Variants in KCNQ3 observed in about 807,000 individuals in gnomAD.
KCNQ3 encodes the protein potassium voltage-gated channel subfamily Q member 3.
In KCNQ3, 30 loss-of-function variants were observed where a neutral mutation model predicts 92.5. The ratio of observed to expected loss-of-function variants is 0.32; its 90% CI spans 0.24 to 0.44. The LOEUF (loss-of-function observed/expected upper bound fraction) is 0.44, where lower values mean the gene tolerates loss of function less well. KCNQ3 is among the 20% of genes least tolerant of loss of function. The pLI, the probability that KCNQ3 is intolerant of heterozygous loss-of-function variation, is 1.00. For missense variants in KCNQ3, 913 were observed against 1,140.3 expected (o/e 0.80, Z 2.87); for synonymous variants, 450 against 468.8 (o/e 0.96, Z 0.52).
intron 1 of KCNQ3, among the ~76,000 whole-genome samples, chr8:132,472,902 A>C (rs1047851553): frequency 1.3e-5 from 2 of 152,206 alleles, no homozygotes; most frequent in African/African-American, 4.8e-5. Flanking sequence ...TTATCCATCA[A>C]TTTAAAAAAT....
chr8:132,419,156 T>C (rs1000412742), intron 1 of KCNQ3, among the ~76,000 whole-genome samples: 8 of 152,212 alleles, frequency 5.3e-5, no homozygotes, highest in Non-Finnish European at 8.8e-5. Context: ...AACTAAGGCA[T>C]GGCAGCACTC....
At chr8:132,142,873 T>C (rs1272286884) in intron 9 of KCNQ3, among the ~76,000 whole-genome samples, 1 of 152,156 alleles carries the variant, frequency 6.6e-6, no homozygotes, top group Admixed American at 6.5e-5. Flanking sequence ...GAACACTCCT[T>C]CTGCCACACA....
At chr8:132,244,362 G>T (rs1056822503) in intron 1 of KCNQ3, among the ~76,000 whole-genome samples, 2 of 149,590 alleles carry the variant, frequency 1.3e-5, no homozygotes, top group Non-Finnish European at 3.0e-5. Context: ...TTTTAAGAAA[G>T]AAAAAGAGAG....
At chr8:132,405,055 G>C (rs988907240) in intron 1 of KCNQ3, among the ~76,000 whole-genome samples, 1 of 152,142 alleles carries the variant, frequency 6.6e-6, no homozygotes, top group Non-Finnish European at 1.5e-5. Context: ...CAAACAATCT[G>C]GGCAAAGTGT....
At chr8:132,241,042 C>T (rs560412010) in intron 1 of KCNQ3, among the ~76,000 whole-genome samples, 138 of 152,068 alleles carry the variant, frequency 9.1e-4, no homozygotes, top group Non-Finnish European at 1.3e-3. Flanking sequence ...GCACACGCCA[C>T]CATGCCTGGC....
intron 1 of KCNQ3, among the ~76,000 whole-genome samples, chr8:132,399,998 C>T (rs1324309333): frequency 2.0e-5 from 3 of 152,128 alleles, no homozygotes; most frequent in Non-Finnish European, 2.9e-5. Context: ...TACCGGGTGC[C>T]CATGACAAGG....
intron 12 of KCNQ3, among the ~76,000 whole-genome samples, chr8:132,136,228 C>T (rs1219519050): frequency 1.3e-5 from 2 of 151,362 alleles, no homozygotes; most frequent in Admixed American, 6.6e-5. Context: ...GTGTGATGTT[C>T]CTGTTCTCTA....
intron 1 of KCNQ3, among the ~76,000 whole-genome samples, chr8:132,371,478 T>G (rs1819472125): frequency 6.6e-6 from 1 of 152,220 alleles, no homozygotes; most frequent in Non-Finnish European, 1.5e-5. Flanking sequence ...GGAGGAGATG[T>G]CTGACCTGCG....
intron 1 of KCNQ3, among the ~76,000 whole-genome samples, chr8:132,429,476 C>T (rs930989877): frequency 1.3e-5 from 2 of 152,204 alleles, no homozygotes; most frequent in Non-Finnish European, 2.9e-5. Flanking sequence ...CCATCCAATA[C>T]ATGCATTATT....
chr8:132,403,898 G>C (rs1820410762), intron 1 of KCNQ3, among the ~76,000 whole-genome samples: 1 of 152,186 alleles, frequency 6.6e-6, no homozygotes, highest in African/African-American at 2.4e-5. Context: ...CCTGTAGCCT[G>C]TCTTGTTTTT....
intron 1 of KCNQ3, among the ~76,000 whole-genome samples, chr8:132,324,936 G>C (rs1015837574): frequency 6.6e-6 from 1 of 151,308 alleles, no homozygotes; most frequent in South Asian, 2.1e-4. Context: ...TTAGAGGCTC[G>C]CCAGCCTGAA....
intron 1 of KCNQ3, among the ~76,000 whole-genome samples, chr8:132,330,186 A>C (rs574246195): frequency 3.8e-4 from 58 of 152,312 alleles, no homozygotes; most frequent in African/African-American, 1.4e-3. Context: ...AAGCCCAGGA[A>C]TGCTGGGGCA....
chr8:132,266,099 G>C (rs1815972432), intron 1 of KCNQ3, among the ~76,000 whole-genome samples: 1 of 152,154 alleles, frequency 6.6e-6, no homozygotes, highest in East Asian at 1.9e-4. Context: ...AGTGTAGTTA[G>C]GAATGAATGA....
intron 1 of KCNQ3, among the ~76,000 whole-genome samples, chr8:132,245,233 C>G (rs1156886780): frequency 2.0e-5 from 3 of 152,220 alleles, no homozygotes; most frequent in African/African-American, 4.8e-5. Flanking sequence ...TAAGGGTTCT[C>G]AGAGAGAGAG....
intron 1 of KCNQ3, among the ~76,000 whole-genome samples, chr8:132,478,421 ATGAC>A (rs1321263414): frequency 6.6e-6 from 1 of 152,226 alleles, no homozygotes; most frequent in African/African-American, 2.4e-5. Context: ...GAATCATTGT[ATGAC>A]TGTGTGCACT....
chr8:132,311,478 C>T (rs935156541), intron 1 of KCNQ3, among the ~76,000 whole-genome samples: 1 of 152,150 alleles, frequency 6.6e-6, no homozygotes, highest in Non-Finnish European at 1.5e-5. Flanking sequence ...TTTAGCAGCT[C>T]CCTGTCCTGT....
intron 1 of KCNQ3, among the ~76,000 whole-genome samples, chr8:132,252,111 T>C (rs1022619469): frequency 1.3e-5 from 2 of 152,186 alleles, no homozygotes; most frequent in Non-Finnish European, 2.9e-5. Flanking sequence ...GTTTCCATCA[T>C]GAAGCCTCTG....
chr8:132,355,369 C>T (rs1818991694), intron 1 of KCNQ3, among the ~76,000 whole-genome samples: 1 of 151,966 alleles, frequency 6.6e-6, no homozygotes, highest in Non-Finnish European at 1.5e-5. Flanking sequence ...CTGAAGGAGT[C>T]CTCCAGTCCA....
At chr8:132,163,187 T>G (rs1439666386) in intron 9 of KCNQ3, among the ~76,000 whole-genome samples, 1 of 152,190 alleles carries the variant, frequency 6.6e-6, no homozygotes, top group East Asian at 1.9e-4. Context: ...GGGCCTATCT[T>G]ACATTGTGGT....
Sources: allele counts gnomAD v4.1 joint callset (sites outside exome capture counted in the v4.1 genomes callset), GRCh38; gene constraint gnomAD v4.1.1; transcripts MANE v1.5; gene names NCBI Gene and HGNC (gene_info 2026-07-23, HGNC 2026-07-21).